Variants in LAMA2 observed in about 807,000 individuals in gnomAD.
LAMA2 encodes laminin subunit alpha 2.
In LAMA2, 269 loss-of-function variants were observed where a neutral mutation model predicts 364.8. That is an observed-to-expected ratio of 0.74 (90% CI 0.67 to 0.82). The LOEUF is 0.82. Among genes scored for constraint, LAMA2 ranks in the 40% least tolerant of loss-of-function variants. The pLI, the probability that LAMA2 is intolerant of heterozygous loss-of-function variation, is 0.00. For missense variants in LAMA2, 3,807 were observed against 3,873.2 expected (o/e 0.98, Z 0.45); for synonymous variants, 1,379 against 1,370.6 (o/e 1.01, Z -0.14).
At chr6:128,900,501 G>A (rs1026921533) in intron 1 of LAMA2, among the ~76,000 whole-genome samples, 2 of 152,114 alleles carry the variant, frequency 1.3e-5, no homozygotes, top group African/African-American at 2.4e-5. Flanking sequence ...TACAGTTATT[G>A]AAAAAACTAT....
chr6:129,136,101 G>A (rs1356488593), intron 4 of LAMA2, among the ~76,000 whole-genome samples: 1 of 151,696 alleles, frequency 6.6e-6, no homozygotes, highest in South Asian at 2.1e-4. Flanking sequence ...AAAATTTCAG[G>A]CACTTAGTAA....
intron 37 of LAMA2, among the ~76,000 whole-genome samples, chr6:129,396,406 C>A (rs955692791): frequency 2.0e-5 from 3 of 152,118 alleles, no homozygotes; most frequent in Non-Finnish European, 4.4e-5. Context: ...GGAAGAAAGA[C>A]AGAGCAACAG....
At chr6:129,164,575 T>C (rs535318059) in intron 8 of LAMA2, among the ~76,000 whole-genome samples, 1 of 152,310 alleles carries the variant, frequency 6.6e-6, no homozygotes, top group Admixed American at 6.5e-5. Flanking sequence ...GTCATGAAAG[T>C]TTACTTTCAT....
intron 3 of LAMA2, among the ~76,000 whole-genome samples, chr6:129,076,814 G>A (rs1181551280): frequency 1.3e-5 from 2 of 151,962 alleles, no homozygotes; most frequent in Non-Finnish European, 1.5e-5. Flanking sequence ...ATTTTAATGT[G>A]GATTTTGAGT....
intron 35 of LAMA2, among the ~76,000 whole-genome samples, chr6:129,385,921 C>T (rs915132801): frequency 6.6e-6 from 1 of 152,076 alleles, no homozygotes; most frequent in Non-Finnish European, 1.5e-5. Context: ...TTTTTACTTA[C>T]CTTTATAGAT....
At chr6:129,088,983 A>G (rs1339484310) in intron 3 of LAMA2, among the ~76,000 whole-genome samples, 3 of 116,868 alleles carry the variant, frequency 2.6e-5, no homozygotes, top group Non-Finnish European at 6.1e-5. Flanking sequence ...TGGAGGTTGT[A>G]GCTAGCCGAG....
chr6:129,288,547 C>T (rs372436522), intron 19 of LAMA2, among the ~76,000 whole-genome samples: 2 of 152,048 alleles, frequency 1.3e-5, no homozygotes, highest in South Asian at 2.1e-4. Context: ...CCAATATTTT[C>T]GCACACAGGC....
intron 3 of LAMA2, among the ~76,000 whole-genome samples, chr6:129,064,410 GC>G (rs1410637898): frequency 1.3e-5 from 2 of 150,874 alleles, no homozygotes; most frequent in African/African-American, 4.9e-5. Flanking sequence ...AACAAACTAG[GC>G]CTAGAAGTAG....
At chr6:129,121,351 C>G (rs905166960) in intron 4 of LAMA2, among the ~76,000 whole-genome samples, 2 of 152,180 alleles carry the variant, frequency 1.3e-5, no homozygotes, top group Non-Finnish European at 2.9e-5. Flanking sequence ...AGTACACTTT[C>G]AATTTTTATT....
intron 12 of LAMA2, among the ~76,000 whole-genome samples, chr6:129,232,210 A>G (rs926531034): frequency 2.6e-5 from 4 of 152,104 alleles, no homozygotes; most frequent in African/African-American, 7.2e-5. Context: ...ACTCACTTTA[A>G]GTTTTACTAA....
At chr6:129,375,125 A>G (rs557817830) in intron 34 of LAMA2, among the ~76,000 whole-genome samples, 34 of 152,250 alleles carry the variant, frequency 2.2e-4, no homozygotes, top group African/African-American at 6.7e-4. Flanking sequence ...CATATTTAAA[A>G]TGTATTTTGA....
intron 1 of LAMA2, among the ~76,000 whole-genome samples, chr6:128,910,155 C>T (rs920985896): frequency 1.3e-4 from 20 of 152,106 alleles, no homozygotes; most frequent in African/African-American, 4.8e-4. Context: ...GTGGCCTTCT[C>T]TGTATTTCCT....
chr6:129,205,980 G>T (rs1266482924), intron 12 of LAMA2, among the ~76,000 whole-genome samples: 1 of 150,844 alleles, frequency 6.6e-6, no homozygotes, highest in East Asian at 2.0e-4. Context: ...CTGAAATTGT[G>T]CCACTGCACT....
chr6:128,970,282 TA>T (rs1782108647), intron 1 of LAMA2, among the ~76,000 whole-genome samples: 2 of 152,200 alleles, frequency 1.3e-5, no homozygotes, highest in African/African-American at 4.8e-5. Flanking sequence ...TGACAAGGTT[TA>T]AAAAAATTTG....
chr6:129,366,094 G>A (rs1375360534), intron 32 of LAMA2, 125 bp from the exon 33 acceptor site: 11 of 983,386 alleles, frequency 1.1e-5, no homozygotes, highest in Non-Finnish European at 1.8e-5. Context: ...AATATTCTGA[G>A]ATGAGTAGTT....
intron 4 of LAMA2, among the ~76,000 whole-genome samples, chr6:129,126,545 A>G (rs974268879): frequency 6.6e-6 from 1 of 152,158 alleles, no homozygotes; most frequent in African/African-American, 2.4e-5. Context: ...TACTGGTAAG[A>G]CTTTTACAAT....
chr6:129,154,746 A>G, intron 8 of LAMA2, 63 bp downstream of exon 8: 2 of 1,279,828 alleles, frequency 1.6e-6, no homozygotes, highest in South Asian at 1.2e-5. Context: ...AAAATGTTTT[A>G]TACAAAAAAA....
At chr6:129,047,448 C>G (rs1787595441) in intron 1 of LAMA2, among the ~76,000 whole-genome samples, 1 of 152,070 alleles carries the variant, frequency 6.6e-6, no homozygotes, top group East Asian at 1.9e-4. Context: ...ATTGGCAAAT[C>G]AGGAAAAATT....
At chr6:129,277,077 C>T (rs887359899) in intron 17 of LAMA2, among the ~76,000 whole-genome samples, 1 of 152,062 alleles carries the variant, frequency 6.6e-6, no homozygotes, top group Non-Finnish European at 1.5e-5. Flanking sequence ...AACAGCTTCC[C>T]CTCCTCCCCT....
Sources: gnomAD v4.1 joint callset for allele counts (sites outside exome capture counted in the v4.1 genomes callset) on GRCh38, gnomAD v4.1.1 for gene constraint, MANE v1.5 for transcripts, NCBI Gene and HGNC (gene_info 2026-07-23, HGNC 2026-07-21) for gene names.